Variants in CPQ observed in about 807,000 individuals in gnomAD.
CPQ encodes the protein Ser-Met dipeptidase.
Under a neutral mutation model 45.7 loss-of-function variants are expected in CPQ, and 37 were observed. The ratio of observed to expected loss-of-function variants is 0.81; its 90% CI spans 0.62 to 1.07. The LOEUF (loss-of-function observed/expected upper bound fraction) is 1.07, where lower values mean the gene tolerates loss of function less well. Ranked by LOEUF, CPQ falls within the 50% of genes least tolerant of loss-of-function variation. CPQ has a pLI of 0.00. For synonymous variants in CPQ, 186 were observed against 205.8 expected (o/e 0.90, Z 0.82); for missense variants, 537 against 572.9 (o/e 0.94, Z 0.64).
At chr8:97,112,162 ATT>A (rs11351898) in intron 7 of CPQ, among the ~76,000 whole-genome samples, 2 of 141,540 alleles carry the variant, frequency 1.4e-5, no homozygotes, top group African/African-American at 2.6e-5. Flanking sequence ...TTTTTTTTTT[ATT>A]TTTTTTTTTG....
chr8:96,849,214 C>T (rs1327792052), intron 3 of CPQ, among the ~76,000 whole-genome samples: 1 of 152,108 alleles, frequency 6.6e-6, no homozygotes, highest in African/African-American at 2.4e-5. Context: ...GTTGTGTTCG[C>T]AATAGCATAC....
chr8:97,109,488 A>G (rs1811464759), intron 7 of CPQ, among the ~76,000 whole-genome samples: 1 of 152,026 alleles, frequency 6.6e-6, no homozygotes, highest in Admixed American at 6.6e-5. Flanking sequence ...AGCTTTACCC[A>G]GCCCTCCATC....
At chr8:97,031,678 G>A (rs1208624352) in intron 6 of CPQ, among the ~76,000 whole-genome samples, 2 of 152,142 alleles carry the variant, frequency 1.3e-5, no homozygotes, top group African/African-American at 4.8e-5. Flanking sequence ...TCTGAGGTTG[G>A]CAGAAATACA....
chr8:97,052,707 C>A (rs1810383424), intron 6 of CPQ, among the ~76,000 whole-genome samples: 1 of 151,996 alleles, frequency 6.6e-6, no homozygotes, highest in South Asian at 2.1e-4. Context: ...CTGTTTTCAC[C>A]TGAGAAGGAG....
chr8:96,901,496 T>G (rs1254741626), intron 4 of CPQ, among the ~76,000 whole-genome samples: 1 of 152,208 alleles, frequency 6.6e-6, no homozygotes, highest in Non-Finnish European at 1.5e-5. Context: ...AGTGGATAGA[T>G]ACCTCTAGGT....
At chr8:96,747,061 C>T (rs908021543) in intron 1 of CPQ, among the ~76,000 whole-genome samples, 12 of 152,058 alleles carry the variant, frequency 7.9e-5, no homozygotes, top group Non-Finnish European at 1.5e-4. Flanking sequence ...GAGGCTGAGG[C>T]GGGTGGATCA....
chr8:97,006,152 T>C (rs1809377432), intron 5 of CPQ, among the ~76,000 whole-genome samples: 1 of 152,176 alleles, frequency 6.6e-6, no homozygotes, highest in African/African-American at 2.4e-5. Flanking sequence ...TTTTGTGGGG[T>C]TATTTGCTCT....
chr8:97,014,588 G>A (rs573494142), intron 5 of CPQ, among the ~76,000 whole-genome samples: 71 of 149,822 alleles, frequency 4.7e-4, no homozygotes, highest in Middle Eastern at 3.5e-3. Context: ...GTTGCAGTGA[G>A]CTGAGATTGC....
intron 5 of CPQ, among the ~76,000 whole-genome samples, chr8:97,016,863 A>G (rs1809588664): frequency 6.6e-6 from 1 of 152,222 alleles, no homozygotes; most frequent in African/African-American, 2.4e-5. Context: ...GCTTAGGATG[A>G]GAAGCAGAAG....
intron 4 of CPQ, 64 bp downstream of exon 4, chr8:96,880,069 T>G (rs1216220772): frequency 2.1e-6 from 3 of 1,442,624 alleles, no homozygotes; most frequent in East Asian, 2.3e-5. Context: ...TTATTAGAGA[T>G]AGTTTGGGAA....
intron 3 of CPQ, among the ~76,000 whole-genome samples, chr8:96,842,943 T>G (rs1054672070): frequency 1.3e-5 from 2 of 152,196 alleles, no homozygotes; most frequent in Non-Finnish European, 2.9e-5. Flanking sequence ...TTGCTCTTGT[T>G]GCCCAGGCTG....
At chr8:96,948,513 A>G (rs1350225650) in intron 4 of CPQ, among the ~76,000 whole-genome samples, 1 of 152,110 alleles carries the variant, frequency 6.6e-6, no homozygotes, top group Non-Finnish European at 1.5e-5. Flanking sequence ...AATACTTGGT[A>G]TGATTTCTAC....
At chr8:96,727,635 TC>T (rs1407288075) in intron 1 of CPQ, among the ~76,000 whole-genome samples, 4 of 152,070 alleles carry the variant, frequency 2.6e-5, no homozygotes, top group Admixed American at 6.6e-5. Flanking sequence ...ACTTCCAGAT[TC>T]CGGATTTTTT....
chr8:96,818,464 G>A (rs1811258401), intron 2 of CPQ, among the ~76,000 whole-genome samples: 1 of 152,032 alleles, frequency 6.6e-6, no homozygotes, highest in South Asian at 2.1e-4. Context: ...AACTGCTCTT[G>A]GAAAAATGGT....
chr8:97,034,260 C>T (rs1437404449), intron 6 of CPQ, among the ~76,000 whole-genome samples: 1 of 152,198 alleles, frequency 6.6e-6, no homozygotes, highest in Non-Finnish European at 1.5e-5. Context: ...TGTTGAATAT[C>T]TCACTGTAGT....
At chr8:97,107,741 G>A (rs1259234373) in intron 7 of CPQ, among the ~76,000 whole-genome samples, 1 of 152,080 alleles carries the variant, frequency 6.6e-6, no homozygotes, top group Admixed American at 6.5e-5. Context: ...CAGAGCCAAG[G>A]GCAGCTCTCT....
intron 3 of CPQ, among the ~76,000 whole-genome samples, chr8:96,879,582 A>G (rs1348043747): frequency 6.6e-6 from 1 of 152,244 alleles, no homozygotes; most frequent in African/African-American, 2.4e-5. Flanking sequence ...TAATTTACAT[A>G]TGATGATTAT....
At chr8:97,126,397 T>G (rs1050288026) in intron 7 of CPQ, among the ~76,000 whole-genome samples, 1 of 152,224 alleles carries the variant, frequency 6.6e-6, no homozygotes, top group Non-Finnish European at 1.5e-5. Context: ...CGGTCTTTTT[T>G]GTTATCAGGC....
intron 1 of CPQ, among the ~76,000 whole-genome samples, chr8:96,698,986 A>T (rs1034602290): frequency 2.5e-4 from 38 of 152,208 alleles, no homozygotes; most frequent in African/African-American, 9.2e-4. Flanking sequence ...CCAGCTATAT[A>T]CCCAAAAGGA....
Sources: gnomAD v4.1 joint callset for allele counts (sites outside exome capture counted in the v4.1 genomes callset) on GRCh38, gnomAD v4.1.1 for gene constraint, MANE v1.5 for transcripts, NCBI Gene and HGNC (gene_info 2026-07-23, HGNC 2026-07-21) for gene names.